Variants in CFAP43 observed in about 807,000 individuals in gnomAD.
The protein encoded by CFAP43 is cilia and flagella associated protein 43.
In CFAP43, 155 loss-of-function variants were observed where a neutral mutation model predicts 218.9. The observed-to-expected ratio is 0.71, with a 90% confidence interval of 0.62 to 0.81. The LOEUF (loss-of-function observed/expected upper bound fraction) is 0.81. CFAP43 is among the 30% of genes least tolerant of loss of function. CFAP43 has a pLI of 0.00. For missense variants in CFAP43, 1,778 were observed against 1,954.3 expected (o/e 0.91, Z 1.70); for synonymous variants, 645 against 681.3 (o/e 0.95, Z 0.83).
At chr10:104,136,791 T>C (rs2087474094) in intron 34 of CFAP43, among the ~76,000 whole-genome samples, 1 of 152,164 alleles carries the variant, frequency 6.6e-6, no homozygotes, top group African/African-American at 2.4e-5. Context: ...CAACAAAACC[T>C]AATTTGAAAA....
chr10:104,201,871 T>C (rs1253217492), intron 8 of CFAP43, among the ~76,000 whole-genome samples: 1 of 152,188 alleles, frequency 6.6e-6, no homozygotes, highest in Non-Finnish European at 1.5e-5. Context: ...GACACACTCT[T>C]AGCTTTGGAG....
chr10:104,136,324 T>C (rs1282696107), intron 34 of CFAP43, among the ~76,000 whole-genome samples: 1 of 151,066 alleles, frequency 6.6e-6, no homozygotes, highest in African/African-American at 2.4e-5. Flanking sequence ...TCTTCATGAC[T>C]TCAGATTTGA....
intron 4 of CFAP43, among the ~76,000 whole-genome samples, chr10:104,213,620 C>T (rs569833804): frequency 6.6e-6 from 1 of 152,218 alleles, no homozygotes; most frequent in East Asian, 1.9e-4. Context: ...ACTGCAACCT[C>T]CACCTCTTGG....
At position 104,152,714 on chromosome 10, in the gene CFAP43, C is replaced by T. The variant is rs2134779400; in HGVS notation, c.3553G>A (p.Glu1185Lys). ...ATAGAGTTTTGAAGTTTCTTCAGTT[C>T]TGCTTCTAATGACTAAAAGGAAAAC... The part of the protein sequence containing the change: ...RDKYRKSLEA[E>K]LKKLQNSIQE... The change falls in exon 28 of 38, where the codon GAA (glutamate) becomes AAA (lysine). Residue 1185 changes from glutamate to lysine, a missense_variant. By Grantham distance (56) the Glu-to-Lys change is moderately conservative. Coordinates refer to ENST00000357060, the MANE Select transcript of CFAP43 (RefSeq NM_025145.7). The T allele has an allele frequency of 6.2e-7, 1 of 1,609,910 alleles. No individual in the cohort carries two copies. Among genetic ancestry groups the T allele is most frequent in the African/African-American group, 1.3e-5 (1 of 74,520 alleles).
chr10:104,184,994 AC>A, intron 16 of CFAP43, 21 bp downstream of exon 16: 1 of 1,612,486 alleles, frequency 6.2e-7, no homozygotes, highest in Non-Finnish European at 8.5e-7. Context: ...ACATGGGGTT[AC>A]TTACTGAATA....
Position 104,164,277 on chromosome 10 carries a change from A to G in CFAP43, c.3063T>C (p.Thr1021=). The change falls in exon 24 of 38, where the codon ACT becomes ACC. Residue 1021 remains threonine (T), a synonymous_variant. Transcript: ENST00000357060. The part of the protein sequence containing the change: ...LLKDIIYKVK[T]VFNNEFDAAY... ...CAGCGTCAAACTCATTATTGAAAAC[A>G]GTTTTTACCTTGTAAATGATATCCT... 1 of 1,606,566 alleles carries G rather than the reference A, an allele frequency of 6.2e-7. No individual in the cohort carries two copies. The highest frequency in any genetic ancestry group is 8.5e-7 in the Non-Finnish European group (1 of 1,175,278).
chr10:104,188,220 A>G, intron 13 of CFAP43, 50 bp downstream of exon 13: 1 of 1,586,534 alleles, frequency 6.3e-7, no homozygotes, highest in Non-Finnish European at 8.6e-7. Flanking sequence ...AACAATAACA[A>G]CAATGTATCT....
At chr10:104,140,781 A>C in intron 34 of CFAP43, 61 bp downstream of exon 34, 3 of 1,361,628 alleles carry the variant, frequency 2.2e-6, no homozygotes, top group Non-Finnish European at 3.0e-6. Flanking sequence ...GTGCCACAAG[A>C]CTCTAGCCTG....
chr10:104,193,050 A>C (rs1214178617), intron 11 of CFAP43: 1 of 152,256 alleles, frequency 6.6e-6, no homozygotes, highest in Non-Finnish European at 1.5e-5. Flanking sequence ...CAAGCTGTAA[A>C]GCAGAATACA....
intron 11 of CFAP43, chr10:104,192,686 G>A (rs892812307): frequency 1.6e-5 from 3 of 187,152 alleles, no homozygotes; most frequent in Non-Finnish European, 3.3e-5. Flanking sequence ...GCAGTGGGAG[G>A]AAGAATGTAG....
At position 104,232,207 on chromosome 10, in the gene CFAP43, C is replaced by G. The variant is rs2091469451; in HGVS notation, c.40G>C (p.Ala14Pro). 1.2e-6 allele frequency: 2 copies of G among 1,609,252 alleles called. No individual in the cohort carries two copies. The highest frequency in any genetic ancestry group is 1.7e-5 in the Admixed American group (1 of 59,614). ...GRERDEGPHS[A>P]GGASLSVRWV... ...CTCACGGACAAGGACGCGCCGCCGG[C>G]GGAGTGGGGGCCTTCGTCGCGCTCC... The change falls in exon 1 of 38, where the codon GCC becomes CCC. Residue 14 changes from alanine (A) to proline (P), a missense_variant. This residue lies in a region of CFAP43 where 1,553 missense variants were observed against 1,685.2 expected (regional missense o/e 0.92). Transcript: ENST00000357060.
intron 31 of CFAP43, among the ~76,000 whole-genome samples, chr10:104,145,096 C>G (rs1350684961): frequency 6.6e-6 from 1 of 152,184 alleles, no homozygotes; most frequent in African/African-American, 2.4e-5. Context: ...AAGCCTATTA[C>G]AAGTAGTTCC....
chr10:104,167,664 T>C lies in CFAP43; in HGVS notation c.2765A>G (p.Glu922Gly), dbSNP rs1334955600. The C allele has an allele frequency of 6.8e-6, 11 of 1,612,738 alleles. No homozygotes were observed. The highest frequency in any genetic ancestry group is 9.3e-6 in the Non-Finnish European group (11 of 1,179,630). ...AATCTTCTTTTGCTGTAAAACTCTT[T>C]CCAATTCTTTCAGCTCTTCAACCGT... Reference protein sequence around the residue: ...ARTVEELKELERVLQQKKIEA... With the variant: ...ARTVEELKELGRVLQQKKIEA... The change falls in exon 22 of 38, where the codon GAA (glutamate) becomes GGA (glycine). Residue 922 changes from glutamate to glycine, a missense_variant. By Grantham distance (98) the Glu-to-Gly change is moderately conservative. Around this residue, in one of 3 missense-constraint regions of CFAP43, gnomAD observed 1,553 missense variants for 1,685.2 expected, o/e 0.92. Transcript: ENST00000357060.
intron 2 of CFAP43, among the ~76,000 whole-genome samples, chr10:104,228,054 G>T (rs2091350822): frequency 1.3e-5 from 2 of 151,916 alleles, no homozygotes; most frequent in South Asian, 4.2e-4. Flanking sequence ...ATGTTGGCCA[G>T]GATGGTCTTG....
intron 5 of CFAP43, among the ~76,000 whole-genome samples, chr10:104,208,229 T>C (rs185313042): frequency 2.0e-5 from 3 of 152,232 alleles, no homozygotes; most frequent in Non-Finnish European, 4.4e-5. Flanking sequence ...TTCCTGAGTT[T>C]TTTTTATGAC....
At chr10:104,201,708 T>G (rs2090539897) in intron 8 of CFAP43, among the ~76,000 whole-genome samples, 1 of 151,920 alleles carries the variant, frequency 6.6e-6, no homozygotes, top group Non-Finnish European at 1.5e-5. Flanking sequence ...TTGTATGCAG[T>G]GTTCATTTAC....
At chr10:104,134,152 C>G (rs993804336) in intron 34 of CFAP43, among the ~76,000 whole-genome samples, 1 of 152,146 alleles carries the variant, frequency 6.6e-6, no homozygotes, top group African/African-American at 2.4e-5. Context: ...AATCCCACCA[C>G]CTTGGGAGGT....
chr10:104,217,859 T>C (rs2091058610), intron 3 of CFAP43, among the ~76,000 whole-genome samples: 1 of 152,200 alleles, frequency 6.6e-6, no homozygotes, highest in Non-Finnish European at 1.5e-5. Flanking sequence ...TTAATACCCT[T>C]AATACAAATT....
chr10:104,183,719 T>C (rs937332475), intron 16 of CFAP43, among the ~76,000 whole-genome samples: 1 of 152,240 alleles, frequency 6.6e-6, no homozygotes, highest in Non-Finnish European at 1.5e-5. Context: ...AGCTTTGTTT[T>C]GAGTCAGAAG....
Sources: allele counts gnomAD v4.1 joint callset (sites outside exome capture counted in the v4.1 genomes callset), GRCh38; gene constraint gnomAD v4.1.1; regional missense constraint gnomAD v4.1.1; transcripts MANE v1.5; gene names NCBI Gene and HGNC (gene_info 2026-07-23, HGNC 2026-07-21).